Variants in CALD1 observed in about 807,000 individuals in gnomAD.
CALD1 encodes caldesmon 1.
In CALD1, 33 loss-of-function variants were observed where a neutral mutation model predicts 99.9. The ratio of observed to expected loss-of-function variants is 0.33; its 90% CI spans 0.25 to 0.44. CALD1 has a LOEUF of 0.44. Ranked by LOEUF, CALD1 falls within the 20% of genes least tolerant of loss-of-function variation. The pLI is 1.00. For synonymous variants in CALD1, 310 were observed against 325.0 expected, an observed-to-expected ratio of 0.95 and a Z score of 0.50; for missense variants, 861 against 962.1, an observed-to-expected ratio of 0.89 and a Z score of 1.39.
At chr7:134,794,935 G>A (rs1285085962) in intron 1 of CALD1, among the ~76,000 whole-genome samples, 1 of 152,098 alleles carries the variant, frequency 6.6e-6, no homozygotes, top group Non-Finnish European at 1.5e-5. Context: ...TTAGACTTAA[G>A]GTTGTGCAAG....
chr7:134,809,094 T>C (rs188960141), intron 1 of CALD1, among the ~76,000 whole-genome samples: 1 of 152,264 alleles, frequency 6.6e-6, no homozygotes, highest in Non-Finnish European at 1.5e-5. Context: ...TCCATGAGGA[T>C]TTTATATTCC....
At chr7:134,799,535 A>C (rs1212669090) in intron 1 of CALD1, among the ~76,000 whole-genome samples, 1 of 152,246 alleles carries the variant, frequency 6.6e-6, no homozygotes, top group Admixed American at 6.5e-5. Context: ...CAGAAAGAAC[A>C]GATTTATGGA....
Position 134,888,560 on chromosome 7 carries a change from C to A in CALD1, c.71+20756C>A, listed in dbSNP as rs17168111. On this transcript the variant is annotated intron_variant, in intron 3 of 14. Coordinates refer to ENST00000361675, the MANE Select transcript of CALD1 (RefSeq NM_033138.4). ...TTGGAAGCACTTGCCTAGCCCAGCC[C>A]TGCTCTCAGCTCATGATTCACTTGT... is the stretch of plus-strand genomic sequence containing the variant. Among the ~76,000 whole-genome samples the A allele has an allele frequency of 4.7e-3, 715 of 152,356 alleles. 3 individuals are homozygous for A. Among genetic ancestry groups the A allele is most frequent in the African/African-American group, 0.017 (691 of 41,584 alleles).
At chr7:134,721,982 T>G in the CALD1 span, among the ~76,000 whole-genome samples, 1 of 152,100 alleles carries the variant, frequency 6.6e-6, no homozygotes, top group African/African-American at 2.4e-5. Context: ...TATGGTGGGG[T>G]TTTTCTTTTC....
At chr7:134,867,365 T>C (rs970826365) in intron 2 of CALD1, among the ~76,000 whole-genome samples, 2 of 152,184 alleles carry the variant, frequency 1.3e-5, no homozygotes, top group Admixed American at 6.5e-5. Flanking sequence ...GGTCTGGGGT[T>C]CAGAAAGTTA....
chr7:134,947,961 A>T, intron 8 of CALD1, 192 bp downstream of exon 8: 1 of 610,190 alleles, frequency 1.6e-6, no homozygotes, highest in Non-Finnish European at 2.8e-6. Flanking sequence ...TGACCTAGGT[A>T]CTAATCCCCA....
chr7:134,744,412 G>C (rs1057069640), intron 1 of CALD1: 1 of 150,138 alleles, frequency 6.7e-6, no homozygotes, highest in African/African-American at 2.5e-5. Flanking sequence ...TTTAAAGTTG[G>C]TTTTAAACAT....
intron 1 of CALD1, among the ~76,000 whole-genome samples, chr7:134,789,911 C>T (rs1797455428): frequency 6.6e-6 from 1 of 151,922 alleles, no homozygotes; most frequent in African/African-American, 2.4e-5. Context: ...CCTGCTTGCC[C>T]TTATCAACAA....
intron 1 of CALD1, among the ~76,000 whole-genome samples, chr7:134,794,771 C>T (rs962626055): frequency 2.6e-5 from 4 of 152,144 alleles, no homozygotes; most frequent in African/African-American, 9.7e-5. Flanking sequence ...ATACCATGCC[C>T]AGCCTGCTAT....
At chr7:134,772,463 T>C (rs1434158034) in intron 1 of CALD1, among the ~76,000 whole-genome samples, 1 of 152,218 alleles carries the variant, frequency 6.6e-6, no homozygotes, top group Non-Finnish European at 1.5e-5. Flanking sequence ...TTATTACATT[T>C]TCAATAGTAG....
chr7:134,782,354 G>A (rs1310222586), intron 1 of CALD1, among the ~76,000 whole-genome samples: 3 of 152,160 alleles, frequency 2.0e-5, no homozygotes, highest in Admixed American at 6.5e-5. Flanking sequence ...TCAAAAGGGC[G>A]TTTTCTGCGT....
rs977964336 is a variant in CALD1 at position 134,970,442 on chromosome 7, TAAA to T, written c.*2098_*2100del. The T allele has an allele frequency of 8.5e-5, 13 of 152,676 alleles. No individual in the cohort carries two copies. Among genetic ancestry groups the T allele is most frequent in the African/African-American group, 3.1e-4 (13 of 41,470 alleles). The allele number at this position is 152,676 out of a possible 1,614,324, so 9.5% of individuals were successfully genotyped here. A position where few individuals can be genotyped will look rare whatever the true frequency, so the allele number is the denominator to read the frequency against. ...AGTTTGGATTTAATCTTTTGAAAAG[TAAA>T]TTCCTTGTTTACTGGTTTGACTATA... is the stretch of plus-strand genomic sequence containing the variant. On this transcript the variant is annotated 3_prime_UTR_variant, in exon 15 of 15. Coordinates refer to ENST00000361675, the MANE Select transcript of CALD1 (RefSeq NM_033138.4).
rs1034392443 is a variant in CALD1, at chr7:134,970,377, A to C, written c.*2032A>C. On this transcript the variant is annotated 3_prime_UTR_variant, in exon 15 of 15. Coordinates refer to ENST00000361675, the MANE Select transcript of CALD1 (RefSeq NM_033138.4). ...ATGTATCACTGCTGACTTTTATTCC[A>C]ATATTTGGATGGAGTAAGTTTTAGG... The C allele has an allele frequency of 6.6e-6, 1 of 152,478 alleles. No homozygotes were observed. Among genetic ancestry groups the C allele is most frequent in the African/African-American group, 2.4e-5 (1 of 41,458 alleles). 9.4% of individuals were successfully genotyped at this position (152,478 alleles called of 1,614,324 possible).
At chr7:134,720,184 CTTTTTTTT>C in the CALD1 span, among the ~76,000 whole-genome samples, 62,226 of 139,914 alleles carry the variant, frequency 0.44, 14,559 homozygotes, top group African/African-American at 0.66. Flanking sequence ...TAGCCCTCCT[CTTTTTTTT>C]TTTTTTTTTT....
Position 134,748,769 on chromosome 7 carries a change from G to A in CALD1, c.-130+4406G>A, listed in dbSNP as rs536163539. On this transcript the variant is annotated intron_variant, in intron 1 of 13. Coordinates refer to the CALD1 transcript ENST00000417172. ...AAACATGAATTTGGGTAGAGGCAAG[G>A]GTGAAATTCTATGGTCTGAATGTTT... 7.2e-5 allele frequency among the ~76,000 whole-genome samples: 10 copies of A among 138,234 alleles called. No homozygotes were observed. The South Asian group carries it at 2.2e-3, about 31-fold the overall frequency. The allele number at this position is 138,234 out of a possible 152,430, so 90.7% of individuals were successfully genotyped here.
intron 13 of CALD1, among the ~76,000 whole-genome samples, chr7:134,964,554 T>A (rs1340535720): frequency 6.6e-6 from 1 of 152,118 alleles, no homozygotes; most frequent in Non-Finnish European, 1.5e-5. Context: ...AGCCTGCCCC[T>A]GGGCAGGCAA....
At chr7:134,897,926 C>T (rs1030244156) in intron 3 of CALD1, among the ~76,000 whole-genome samples, 1 of 151,912 alleles carries the variant, frequency 6.6e-6, no homozygotes, top group Admixed American at 6.6e-5. Flanking sequence ...CCATGCTGGT[C>T]TCAAACTCCT....
chr7:134,879,379 A>G (rs560037897), intron 3 of CALD1, among the ~76,000 whole-genome samples: 10 of 152,398 alleles, frequency 6.6e-5, no homozygotes, highest in African/African-American at 2.2e-4. Context: ...ATTCATCAGC[A>G]GTGGAAAATC....
intron 3 of CALD1, among the ~76,000 whole-genome samples, chr7:134,910,558 G>C (rs1803729743): frequency 2.0e-5 from 3 of 152,126 alleles, no homozygotes. Flanking sequence ...GGCATGTGCT[G>C]GAGTTGCAGG....
Sources: gnomAD v4.1 joint callset for allele counts (sites outside exome capture counted in the v4.1 genomes callset) on GRCh38, gnomAD v4.1.1 for gene constraint, MANE v1.5 for transcripts, NCBI Gene and HGNC (gene_info 2026-07-23, HGNC 2026-07-21) for gene names.